The following ENTHD1 variants were observed in gnomAD, a reference collection of about 807,000 sequenced individuals.
ENTHD1 encodes the protein ENTH domain-containing protein 1.
In ENTHD1, 23 loss-of-function variants were observed where a neutral mutation model predicts 39.1. The observed-to-expected ratio is 0.59, with a 90% CI of 0.42 to 0.83. ENTHD1 has a LOEUF of 0.83. Ranked by LOEUF, ENTHD1 falls within the 40% of genes least tolerant of loss-of-function variation. The pLI is 0.00. For missense variants in ENTHD1, 624 were observed against 705.4 expected (o/e 0.88, Z 1.31); for synonymous variants, 230 against 258.2 (o/e 0.89, Z 1.05).
intron 5 of ENTHD1, among the ~76,000 whole-genome samples, chr22:39,770,403 T>TTTGCATTTTTCCAACAC (rs1429318186): frequency 6.6e-6 from 1 of 152,046 alleles, no homozygotes; most frequent in Non-Finnish European, 1.5e-5. Flanking sequence ...TTCTTGCCAG[T>TTTGCATTTTTCCAACAC]TTGCATTTTT....
intron 1 of ENTHD1, among the ~76,000 whole-genome samples, chr22:39,888,171 T>C (rs758306372): frequency 1.8e-4 from 27 of 152,014 alleles, no homozygotes; most frequent in African/African-American, 6.3e-4. Flanking sequence ...GCCAGAAATA[T>C]AATGGCTATA....
chr22:39,862,546 C>CAA lies in ENTHD1; in HGVS notation c.350-541_350-540dup, dbSNP rs553393294. Among the ~76,000 whole-genome samples, 147 of 70,310 alleles carry CAA rather than the reference C, an allele frequency of 2.1e-3. 1 individual carries two copies. Among genetic ancestry groups the CAA allele is most frequent in the African/African-American group, 6.3e-3 (113 of 17,974 alleles). 46.1% of individuals were successfully genotyped at this position (70,310 alleles called of 152,430 possible). Reference sequence around the variant, plus strand: ...TTGGCAAGAGAGCGAGACTCTGTCTCAAAAAAAAAAAAAAAAAGAAAGAAA... The same window carrying CAA: ...TTGGCAAGAGAGCGAGACTCTGTCTCAAAAAAAAAAAAAAAAAAAGAAAGAAA... On this transcript the variant is annotated intron_variant, in intron 2 of 6. Transcript: ENST00000325157.
intron 6 of ENTHD1, among the ~76,000 whole-genome samples, chr22:39,762,338 C>T (rs1251746288): frequency 6.6e-6 from 1 of 152,142 alleles, no homozygotes; most frequent in African/African-American, 2.4e-5. Context: ...TTTGACACTC[C>T]AGGCTATGAG....
At chr22:39,814,218 G>A (rs926696013) in intron 5 of ENTHD1, among the ~76,000 whole-genome samples, 2 of 151,408 alleles carry the variant, frequency 1.3e-5, no homozygotes, top group African/African-American at 4.9e-5. Flanking sequence ...CACCACTTTG[G>A]GAGGCTGAGA....
At chr22:39,818,693 T>C (rs973661255) in intron 5 of ENTHD1, among the ~76,000 whole-genome samples, 2 of 152,188 alleles carry the variant, frequency 1.3e-5, no homozygotes, top group African/African-American at 4.8e-5. Context: ...AAGATATCTC[T>C]GAGACTACTG....
chr22:39,778,387 A>AT (rs1416429300), intron 5 of ENTHD1, among the ~76,000 whole-genome samples: 1 of 152,334 alleles, frequency 6.6e-6, no homozygotes, highest in African/African-American at 2.4e-5. Context: ...TATGACAGTG[A>AT]TATGAAGAAC....
At chr22:39,822,094 C>T (rs2065787127) in intron 4 of ENTHD1, among the ~76,000 whole-genome samples, 1 of 152,128 alleles carries the variant, frequency 6.6e-6, no homozygotes, top group African/African-American at 2.4e-5. Context: ...ATAAACTGTT[C>T]ATATTTCCAA....
At chr22:39,846,556 T>A (rs960319754) in intron 3 of ENTHD1, among the ~76,000 whole-genome samples, 1 of 152,200 alleles carries the variant, frequency 6.6e-6, no homozygotes, top group Admixed American at 6.5e-5. Flanking sequence ...TGTGAAGTCC[T>A]TGCCCATGCC....
intron 6 of ENTHD1, among the ~76,000 whole-genome samples, chr22:39,755,810 AT>A (rs1655535192): frequency 6.6e-6 from 1 of 152,174 alleles, no homozygotes; most frequent in Non-Finnish European, 1.5e-5. Flanking sequence ...CACACTTCGC[AT>A]TTGTAAATTT....
chr22:39,771,015 C>T (rs552310702), intron 5 of ENTHD1, among the ~76,000 whole-genome samples: 6 of 152,156 alleles, frequency 3.9e-5, no homozygotes, highest in African/African-American at 1.2e-4. Flanking sequence ...TTGAGCATCA[C>T]GTAGTGCTAA....
chr22:39,764,308 C>T (rs1181750717), intron 6 of ENTHD1, among the ~76,000 whole-genome samples: 1 of 151,924 alleles, frequency 6.6e-6, no homozygotes, highest in Admixed American at 6.6e-5. Context: ...ACCCCACCTC[C>T]ACACACACAA....
In ENTHD1 at chr22:39,756,342, A is replaced by ACG. The variant is rs200990153; in HGVS notation, c.1219+8880_1219+8881insCG. Among the ~76,000 whole-genome samples the ACG allele has an allele frequency of 3.1e-3, 452 of 147,936 alleles. 3 individuals carry two copies. Among genetic ancestry groups the ACG allele is most frequent in the African/African-American group, 0.011 (427 of 39,082 alleles). ...CACACACACACACACACACACACGCACACACTTTTTCAGAGAGAGTCTCAC... is the reference window on the plus strand; with the variant it reads ...CACACACACACACACACACACACGCACGCACACTTTTTCAGAGAGAGTCTCAC... On this transcript the variant is annotated intron_variant, in intron 6 of 6. Transcript: ENST00000325157.
At chr22:39,877,863 A>C (rs2066304394) in intron 2 of ENTHD1, among the ~76,000 whole-genome samples, 1 of 152,156 alleles carries the variant, frequency 6.6e-6, no homozygotes, top group Non-Finnish European at 1.5e-5. Flanking sequence ...AGGCTTATTT[A>C]CCTGAGATCC....
At chr22:39,845,668 T>C (rs2065981112) in intron 3 of ENTHD1, among the ~76,000 whole-genome samples, 1 of 152,244 alleles carries the variant, frequency 6.6e-6, no homozygotes, top group South Asian at 2.1e-4. Context: ...TAATTGTTTC[T>C]TGTCACTACA....
intron 4 of ENTHD1, among the ~76,000 whole-genome samples, chr22:39,827,564 A>G (rs1465084140): frequency 6.6e-6 from 1 of 152,190 alleles, no homozygotes; most frequent in East Asian, 1.9e-4. Context: ...AAAAGAAACA[A>G]ACATGCCCAA....
At chr22:39,785,397 CT>C (rs2065447407) in intron 5 of ENTHD1, among the ~76,000 whole-genome samples, 1 of 152,248 alleles carries the variant, frequency 6.6e-6, no homozygotes, top group Admixed American at 6.5e-5. Flanking sequence ...ATTTCTTTCC[CT>C]TTTCTTATCT....
intron 6 of ENTHD1, among the ~76,000 whole-genome samples, chr22:39,746,159 T>C (rs974189437): frequency 6.6e-6 from 1 of 152,200 alleles, no homozygotes; most frequent in African/African-American, 2.4e-5. Flanking sequence ...TTAGATCTCT[T>C]GGACTAGTCT....
chr22:39,804,294 T>C (rs529110163), intron 5 of ENTHD1, among the ~76,000 whole-genome samples: 1 of 152,126 alleles, frequency 6.6e-6, no homozygotes, highest in African/African-American at 2.4e-5. Context: ...AAGACCAGCC[T>C]GGGCAACATA....
At chr22:39,836,983 T>A (rs956566627) in intron 3 of ENTHD1, among the ~76,000 whole-genome samples, 1 of 152,190 alleles carries the variant, frequency 6.6e-6, no homozygotes, top group Non-Finnish European at 1.5e-5. Flanking sequence ...CAGTCTCAGG[T>A]AGTCCTTTAT....
Sources: gnomAD v4.1 joint callset for allele counts (sites outside exome capture counted in the v4.1 genomes callset) on GRCh38, gnomAD v4.1.1 for gene constraint, MANE v1.5 for transcripts, NCBI Gene and HGNC (gene_info 2026-07-23, HGNC 2026-07-21) for gene names.